Variants in NEDD1 observed in about 807,000 individuals in gnomAD.
NEDD1 encodes protein NEDD1.
In NEDD1, 33 loss-of-function variants were observed where a neutral mutation model predicts 74.0. The ratio of observed to expected loss-of-function variants is 0.45; its 90% CI spans 0.34 to 0.60. The LOEUF (loss-of-function observed/expected upper bound fraction) is 0.60. NEDD1 is among the 20% of genes least tolerant of loss of function. NEDD1 has a pLI of 0.01. For synonymous variants in NEDD1, 250 were observed against 264.4 expected, an observed-to-expected ratio of 0.95 and a Z score of 0.53; for missense variants, 746 against 776.5, an observed-to-expected ratio of 0.96 and a Z score of 0.47.
intron 4 of NEDD1, among the ~76,000 whole-genome samples, chr12:96,915,776 C>T (rs971735731): frequency 2.6e-5 from 4 of 152,178 alleles, no homozygotes; most frequent in African/African-American, 4.8e-5. Context: ...GTATTTTAGC[C>T]ATTCTATAAA....
At chr12:96,944,594 T>TA (rs760165283) in intron 12 of NEDD1, 45 bp from the exon 13 acceptor site, 4 of 1,273,026 alleles carry the variant, frequency 3.1e-6, no homozygotes, top group Non-Finnish European at 4.3e-6. Context: ...GTAATATGAG[T>TA]AAAAAAATTG....
At chr12:96,941,182 A>T (rs1428058730) in intron 10 of NEDD1, among the ~76,000 whole-genome samples, 1 of 152,012 alleles carries the variant, frequency 6.6e-6, no homozygotes, top group East Asian at 1.9e-4. Context: ...TTGGCCTTGT[A>T]TTTACATTTC....
chr12:96,919,682 T>C (rs1357884489), intron 5 of NEDD1, among the ~76,000 whole-genome samples: 1 of 152,230 alleles, frequency 6.6e-6, no homozygotes, highest in Admixed American at 6.5e-5. Context: ...TTCTCTGCCA[T>C]TTTCATGTTA....
Position 96,910,323 on chromosome 12 carries a change from G to A in NEDD1, c.136+428G>A, listed in dbSNP as rs544555623. Reference sequence around the variant, plus strand: ...AAATTAAAGACAGAACTTGAAGGCAGAAGCAAGTTGGGGAGGAGATAAAAA... The same window carrying A: ...AAATTAAAGACAGAACTTGAAGGCAAAAGCAAGTTGGGGAGGAGATAAAAA... On this transcript the variant is annotated intron_variant, in intron 3 of 15. Transcript: ENST00000266742. Among the ~76,000 whole-genome samples the A allele has an allele frequency of 1.3e-4, 20 of 152,278 alleles. No homozygotes were observed. In the South Asian group the frequency reaches 3.9e-3, roughly 30 times the overall value.
rs755018857 is a variant in NEDD1 at position 96,951,426 on chromosome 12, TC to T, written c.1812-4del. 5.9e-5 allele frequency: 90 copies of T among 1,523,188 alleles called. No individual in the cohort carries two copies. In the East Asian group the frequency reaches 2.1e-3, roughly 35 times the overall value. The allele number at this position is 1,523,188 out of a possible 1,614,324, so 94.4% of individuals were successfully genotyped here. On this transcript the variant is annotated splice_region_variant and splice_polypyrimidine_tract_variant and intron_variant, in intron 14 of 15. Coordinates refer to ENST00000266742, the MANE Select transcript of NEDD1 (RefSeq NM_152905.4). ...AATTCTAAAAAGTATTTTACATTCT[TC>T]CTAGAGAAGCATGCCATAGGGACAT... is the stretch of plus-strand genomic sequence containing the variant.
At position 96,919,930 on chromosome 12, in the gene NEDD1, A is replaced by G. The variant is rs534214553; in HGVS notation, c.349-55A>G. ...GTATGGTATTTACAGAAACATGAAA[A>G]TGGGCTGTTCGAGGATTATGGGGCA... is the stretch of plus-strand genomic sequence containing the variant. On this transcript the variant is annotated intron_variant, in intron 5 of 15. Transcript: ENST00000266742. 173 of 1,249,168 alleles carry G rather than the reference A, an allele frequency of 1.4e-4. 2 individuals are homozygous for G. The East Asian group carries it at 3.8e-3, about 28-fold the overall frequency. The allele number at this position is 1,249,168 out of a possible 1,614,324, so 77.4% of individuals were successfully genotyped here.
At chr12:96,932,930 T>C (rs1240413627) in intron 6 of NEDD1, among the ~76,000 whole-genome samples, 3 of 151,788 alleles carry the variant, frequency 2.0e-5, no homozygotes, top group Admixed American at 1.3e-4. Context: ...ACCTAAATCA[T>C]ACAGAGGTTT....
rs1565819310 is a variant in NEDD1 at position 96,952,882 on chromosome 12, C to A, written c.*829C>A. On this transcript the variant is annotated 3_prime_UTR_variant, in exon 16 of 16. Transcript: ENST00000266742. The stretch of plus-strand genomic sequence containing the variant: ...AATATTATAGTATTATTTCTATTTT[C>A]TTTTTCCAAATAAGAAGCTTGGATT... The A allele has an allele frequency of 6.6e-6, 1 of 151,418 alleles. No homozygotes were observed. Among genetic ancestry groups the A allele is most frequent in the African/African-American group, 2.4e-5 (1 of 41,314 alleles). The allele number at this position is 151,418 out of a possible 1,614,324, so 9.4% of individuals were successfully genotyped here. A position where few individuals can be genotyped will look rare whatever the true frequency, so the allele number is the denominator to read the frequency against.
At position 96,936,724 on chromosome 12, in the gene NEDD1, G is replaced by A. The variant is rs1413326263; in HGVS notation, c.833G>A (p.Arg278Lys). The A allele has an allele frequency of 1.2e-6, 2 of 1,612,506 alleles. No homozygotes were observed. The highest frequency in any genetic ancestry group is 2.2e-5 in the South Asian group (2 of 91,052). Residue 278 changes from arginine to lysine, a missense_variant, in exon 8 of 16, where the codon AGA (arginine) becomes AAA (lysine). Physicochemically the swap from Arg to Lys is conservative, Grantham distance 26. Transcript: ENST00000266742. ...GGGAAAATATATCAATATGATTTAA[G>A]AATGTTGAAATCACCAGTTAAGACC... is the stretch of plus-strand genomic sequence containing the variant. ...SRGKIYQYDL[R>K]MLKSPVKTIS...
chr12:96,915,500 C>G (rs908861690), intron 4 of NEDD1, among the ~76,000 whole-genome samples: 4 of 152,222 alleles, frequency 2.6e-5, no homozygotes, highest in African/African-American at 9.6e-5. Context: ...TTCTCAAATG[C>G]AGAAGCATAG....
At chr12:96,913,755 A>G (rs544205026) in intron 4 of NEDD1, among the ~76,000 whole-genome samples, 5 of 151,894 alleles carry the variant, frequency 3.3e-5, no homozygotes, top group Non-Finnish European at 7.4e-5. Flanking sequence ...TTTGAAAGCT[A>G]TTTCTTTTTT....
chr12:96,931,290 T>C (rs766413145), intron 6 of NEDD1, among the ~76,000 whole-genome samples: 1 of 152,208 alleles, frequency 6.6e-6, no homozygotes, highest in Non-Finnish European at 1.5e-5. Context: ...AGTATAGTTA[T>C]AAGTCACTGG....
In NEDD1 at chr12:96,952,184, G is replaced by T; in HGVS notation, c.*131G>T. 3.5e-6 allele frequency: 2 copies of T among 576,844 alleles called. No homozygotes were observed. The highest frequency in any genetic ancestry group is 2.1e-5 in the South Asian group (1 of 46,546). 35.7% of individuals were successfully genotyped at this position (576,844 alleles called of 1,614,324 possible). Reference sequence around the variant, plus strand: ...TCAAGTAAGAGTAAAAGGATGATGGGATTTTATACCAACAACTGTTTCATC... The same window carrying T: ...TCAAGTAAGAGTAAAAGGATGATGGTATTTTATACCAACAACTGTTTCATC... On this transcript the variant is annotated 3_prime_UTR_variant, in exon 16 of 16. Coordinates refer to ENST00000266742, the MANE Select transcript of NEDD1 (RefSeq NM_152905.4).
chr12:96,932,457 AAAAAAAATATATATATATATAT>A lies in NEDD1; in HGVS notation c.490-2517_490-2496del. Among the ~76,000 whole-genome samples the A allele has an allele frequency of 1.6e-4, 2 of 12,770 alleles. 1 individual carries two copies. Among genetic ancestry groups the A allele is most frequent in the East Asian group, 8.7e-3 (2 of 230 alleles). 8.4% of individuals were successfully genotyped at this position (12,770 alleles called of 152,430 possible). On this transcript the variant is annotated intron_variant, in intron 6 of 15. Coordinates refer to ENST00000266742, the MANE Select transcript of NEDD1 (RefSeq NM_152905.4). Reference sequence around the variant, plus strand: ...TCCTGTCTCTTAAAAAAAAAAAAAAAAAAAAAATATATATATATATATATATATATAAAATGCACACACACAA... The same window carrying A: ...TCCTGTCTCTTAAAAAAAAAAAAAAAATATATATAAAATGCACACACACAA...
rs923853737 is a variant in NEDD1 at position 96,928,502 on chromosome 12, T to C, written c.490-6474T>C. Reference sequence around the variant, plus strand: ...AAGGAGCTTAAGTGTTACCCTATTATCTTTGGTCTCAAATGTGTGACGTGA... The same window carrying C: ...AAGGAGCTTAAGTGTTACCCTATTACCTTTGGTCTCAAATGTGTGACGTGA... On this transcript the variant is annotated intron_variant, in intron 6 of 15. Coordinates refer to ENST00000266742, the MANE Select transcript of NEDD1 (RefSeq NM_152905.4). Among the ~76,000 whole-genome samples, 5 of 152,214 alleles carry C rather than the reference T, an allele frequency of 3.3e-5. No individual in the cohort carries two copies. The East Asian group carries it at 5.8e-4, about 18-fold the overall frequency.
rs536016262 is a variant in NEDD1, at chr12:96,913,614, C to T, written c.231+797C>T. Among the ~76,000 whole-genome samples, 10 of 152,080 alleles carry T rather than the reference C, an allele frequency of 6.6e-5. No homozygotes were observed. The East Asian group carries it at 9.7e-4, about 15-fold the overall frequency. On this transcript the variant is annotated intron_variant, in intron 4 of 15. Transcript: ENST00000266742. ...GTCTTGAACTCCTGACCTCATGATC[C>T]GCCCGCCTCAGCCTCCCAAAGTGCT...
intron 14 of NEDD1, among the ~76,000 whole-genome samples, chr12:96,947,990 A>G (rs376543598): frequency 4.6e-5 from 7 of 152,120 alleles, no homozygotes; most frequent in African/African-American, 1.7e-4. Flanking sequence ...GAGGATTTCC[A>G]TAAATTCACT....
intron 6 of NEDD1, among the ~76,000 whole-genome samples, chr12:96,931,802 C>T (rs1020200931): frequency 6.6e-6 from 1 of 152,116 alleles, no homozygotes; most frequent in African/African-American, 2.4e-5. Context: ...TACACAGAAG[C>T]ATACATACAC....
rs113436652 is a variant in NEDD1, at chr12:96,942,662, A to G, written c.1294+38A>G. On this transcript the variant is annotated intron_variant, in intron 11 of 15. Transcript: ENST00000266742. ...TAGAAGTATTTTCGTGAAAATGAAA[A>G]GTGAATTGTATTATCTATGCTGTGT... The G allele has an allele frequency of 1.2e-5, 13 of 1,042,862 alleles. No homozygotes were observed. In the African/African-American group the frequency reaches 2.1e-4, roughly 17 times the overall value. The allele number at this position is 1,042,862 out of a possible 1,614,324, so 64.6% of individuals were successfully genotyped here.
Sources: gnomAD v4.1 joint callset for allele counts (sites outside exome capture counted in the v4.1 genomes callset) on GRCh38, gnomAD v4.1.1 for gene constraint, MANE v1.5 for transcripts, NCBI Gene and HGNC (gene_info 2026-07-23, HGNC 2026-07-21) for gene names.